REDIC1: variants seen among roughly 807,000 people sequenced by gnomAD.
REDIC1 encodes the protein HEI10 Interacting Protein 1.
the REDIC1 span, among the ~76,000 whole-genome samples, chr12:39,719,047 A>G: frequency 5.9e-5 from 9 of 152,088 alleles, no homozygotes; most frequent in Non-Finnish European, 7.4e-5. Flanking sequence ...ACAAAAGTAC[A>G]TTTTCCTTCA....
At chr12:39,740,963 A>G in the REDIC1 span, among the ~76,000 whole-genome samples, 1 of 135,144 alleles carries the variant, frequency 7.4e-6, no homozygotes, top group Non-Finnish European at 1.5e-5. Flanking sequence ...GCTTCTTTAC[A>G]TATTATTATT....
chr12:39,761,674 A>T, the REDIC1 span, among the ~76,000 whole-genome samples: 22 of 152,008 alleles, frequency 1.4e-4, no homozygotes, highest in African/African-American at 5.3e-4. Flanking sequence ...TTCTGAGTAC[A>T]GATATGCAAG....
chr12:39,751,764 A>G, the REDIC1 span, among the ~76,000 whole-genome samples: 1 of 152,204 alleles, frequency 6.6e-6, no homozygotes, highest in African/African-American at 2.4e-5. Context: ...GACATGGATG[A>G]AGCTGGAAAC....
chr12:39,812,176 C>A, the REDIC1 span, among the ~76,000 whole-genome samples: 1 of 152,046 alleles, frequency 6.6e-6, no homozygotes, highest in Admixed American at 6.5e-5. Flanking sequence ...TGGTTCATAG[C>A]CATCTTTCAT....
At chr12:39,783,130 A>C in the REDIC1 span, among the ~76,000 whole-genome samples, 1 of 151,888 alleles carries the variant, frequency 6.6e-6, no homozygotes, top group Non-Finnish European at 1.5e-5. Context: ...GTTTGGTTTT[A>C]TGTCCTTGTG....
At chr12:39,711,863 ATACACGTATACACATGCATGTGTATGT>A in the REDIC1 span, among the ~76,000 whole-genome samples, 169 of 57,050 alleles carry the variant, frequency 3.0e-3, 2 homozygotes, top group African/African-American at 0.014. Context: ...GTGTATGTGT[ATACACGTATACACATGCATGTGTATGT>A]GTATACACGT....
At chr12:39,889,430 A>G in the REDIC1 span, among the ~76,000 whole-genome samples, 1 of 152,112 alleles carries the variant, frequency 6.6e-6, no homozygotes, top group Non-Finnish European at 1.5e-5. Context: ...CCTATATTTT[A>G]CAACTGCTGT....
chr12:39,700,815 A>T, the REDIC1 span, among the ~76,000 whole-genome samples: 1 of 152,092 alleles, frequency 6.6e-6, no homozygotes, highest in South Asian at 2.1e-4. Flanking sequence ...TTCAACCCAG[A>T]ATTTCATATC....
At chr12:39,899,965 A>C in the REDIC1 span, among the ~76,000 whole-genome samples, 1 of 152,148 alleles carries the variant, frequency 6.6e-6, no homozygotes, top group Admixed American at 6.6e-5. Flanking sequence ...AACCGAATCC[A>C]GCAGCACATC....
chr12:39,890,219 G>C, the REDIC1 span, among the ~76,000 whole-genome samples: 9 of 151,880 alleles, frequency 5.9e-5, no homozygotes, highest in Non-Finnish European at 1.0e-4. Flanking sequence ...GAGAAAACCT[G>C]GCCATTTGTT....
chr12:39,742,898 A>T, the REDIC1 span, among the ~76,000 whole-genome samples: 1 of 152,186 alleles, frequency 6.6e-6, no homozygotes, highest in Non-Finnish European at 1.5e-5. Context: ...CATAAGCAGA[A>T]ACCTCCGTGG....
At chr12:39,872,002 C>T in the REDIC1 span, 4 of 1,451,884 alleles carry the variant, frequency 2.8e-6, no homozygotes, top group African/African-American at 5.8e-5. Context: ...TGATAGTTAC[C>T]CAAAGAAACA....
the REDIC1 span, among the ~76,000 whole-genome samples, chr12:39,662,134 T>C: frequency 6.6e-6 from 1 of 152,130 alleles, no homozygotes; most frequent in Non-Finnish European, 1.5e-5. Context: ...CTTTGGCTGT[T>C]TATTGGGTTC....
chr12:39,733,497 T>C, the REDIC1 span, among the ~76,000 whole-genome samples: 122 of 152,292 alleles, frequency 8.0e-4, no homozygotes, highest in African/African-American at 2.7e-3. Flanking sequence ...TATTTTATTT[T>C]ATTTTATTTT....
At chr12:39,857,708 T>A in the REDIC1 span, among the ~76,000 whole-genome samples, 1 of 152,208 alleles carries the variant, frequency 6.6e-6, no homozygotes, top group East Asian at 1.9e-4. Context: ...ATTCTCCTGG[T>A]GTATAAGGTC....
chr12:39,742,653 A>G, the REDIC1 span, among the ~76,000 whole-genome samples: 374 of 152,234 alleles, frequency 2.5e-3, 1 homozygote, highest in African/African-American at 8.1e-3. Context: ...AATCACGTAA[A>G]AAAGTGTTGT....
the REDIC1 span, chr12:39,829,743 A>G: frequency 5.9e-5 from 15 of 256,392 alleles, no homozygotes; most frequent in Admixed American, 6.8e-4. Context: ...TTGACTTTAC[A>G]GTTTTCTTTC....
the REDIC1 span, among the ~76,000 whole-genome samples, chr12:39,713,593 G>T: frequency 2.7e-5 from 4 of 148,702 alleles, no homozygotes; most frequent in East Asian, 8.0e-4. Context: ...CACATGTATA[G>T]ATACGTATAT....
chr12:39,720,986 A>G, the REDIC1 span: 6 of 1,613,816 alleles, frequency 3.7e-6, no homozygotes, highest in African/African-American at 1.3e-5. Flanking sequence ...AATACAGATC[A>G]GTTTCCACAG....
Sources: gnomAD v4.1 joint callset for allele counts (sites outside exome capture counted in the v4.1 genomes callset) on GRCh38, gnomAD v4.1.1 for gene constraint, MANE v1.5 for transcripts, NCBI Gene and HGNC (gene_info 2026-07-23, HGNC 2026-07-21) for gene names.